LIFR: variants seen among roughly 807,000 people sequenced by gnomAD.
The protein encoded by LIFR is leukemia inhibitory factor receptor.
A neutral mutation model predicts 122.2 loss-of-function variants in LIFR; 84 were observed. The ratio of observed to expected loss-of-function variants is 0.69; its 90% CI spans 0.58 to 0.82. The LOEUF is 0.82. LIFR is among the 40% of genes least tolerant of loss of function. The probability of loss-of-function intolerance (pLI) is 0.00; values close to 1 mark genes in which losing one functional copy is unlikely to be tolerated. For synonymous variants in LIFR, 422 were observed against 434.7 expected (o/e 0.97, Z 0.36); for missense variants, 1,294 against 1,311.6 (o/e 0.99, Z 0.21).
chr5:38,530,023 G>A (rs1256968036), intron 2 of LIFR, among the ~76,000 whole-genome samples: 1 of 152,042 alleles, frequency 6.6e-6, no homozygotes, highest in Non-Finnish European at 1.5e-5. Flanking sequence ...ATATATTTAA[G>A]ATGTAACATA....
In LIFR at chr5:38,499,472, G is replaced by C. The variant is rs75461364; in HGVS notation, c.1671+41C>G. The C allele has an allele frequency of 1.0e-4, 140 of 1,337,166 alleles. 1 individual carries two copies. The African/African-American group carries it at 1.8e-3, about 18-fold the overall frequency. 82.8% of individuals were successfully genotyped at this position (1,337,166 alleles called of 1,614,324 possible). A position where few individuals can be genotyped will look rare whatever the true frequency, so the allele number is the denominator to read the frequency against. On this transcript the variant is annotated intron_variant, in intron 12 of 19. Transcript: ENST00000453190. ...TACCATGCGTAAGTTAAGCAGTTTA[G>C]CAAAGTAATGTAAATGTTCACAGAA... is the stretch of plus-strand genomic sequence containing the variant.
chr5:38,523,637 A>G lies in LIFR; in HGVS notation c.398-55T>C, dbSNP rs562705277. On this transcript the variant is annotated intron_variant, in intron 4 of 19. Coordinates refer to ENST00000453190, the MANE Select transcript of LIFR (RefSeq NM_001127671.2). ...TTAGTAAAATAAGTAATGATTTTTCATACTGTAACTCCACTAATCAACTAC... is the reference window on the plus strand; with the variant it reads ...TTAGTAAAATAAGTAATGATTTTTCGTACTGTAACTCCACTAATCAACTAC... The G allele has an allele frequency of 7.6e-6, 10 of 1,317,884 alleles. No individual in the cohort carries two copies. The South Asian group carries it at 1.1e-4, about 14-fold the overall frequency. 81.6% of individuals were successfully genotyped at this position (1,317,884 alleles called of 1,614,324 possible).
chr5:38,537,404 C>T (rs1747348686), intron 1 of LIFR, among the ~76,000 whole-genome samples: 1 of 152,192 alleles, frequency 6.6e-6, no homozygotes, highest in Non-Finnish European at 1.5e-5. Context: ...TTTAGAGTAA[C>T]ATCTGACTAC....
At chr5:38,501,431 C>T (rs748634990) in intron 11 of LIFR, among the ~76,000 whole-genome samples, 12 of 152,134 alleles carry the variant, frequency 7.9e-5, no homozygotes, top group Admixed American at 6.5e-5. Flanking sequence ...AAAGCTTTTG[C>T]TATCTTTTGT....
Position 38,492,549 on chromosome 5 carries a change from C to T in LIFR, c.2065+1057G>A, listed in dbSNP as rs114355403. On this transcript the variant is annotated intron_variant, in intron 14 of 19. Transcript: ENST00000453190. ...GCACTGTAAGGAAGGATAAAGGGAACAACTCAGGAAGATCATTACCACTTC... is the reference window on the plus strand; with the variant it reads ...GCACTGTAAGGAAGGATAAAGGGAATAACTCAGGAAGATCATTACCACTTC... Among the ~76,000 whole-genome samples, 1,040 of 152,220 alleles carry T rather than the reference C, an allele frequency of 6.8e-3. 13 individuals carry two copies. Among genetic ancestry groups the T allele is most frequent in the African/African-American group, 0.024 (1,002 of 41,520 alleles).
intron 8 of LIFR, 138 bp from the exon 9 acceptor site, chr5:38,506,212 AATGT>A (rs1166166322): frequency 1.5e-6 from 1 of 647,972 alleles, no homozygotes; most frequent in East Asian, 2.7e-5. Context: ...CAGAGAAGAA[AATGT>A]ATGTGATACA....
chr5:38,524,604 G>A (rs1024482146), intron 4 of LIFR, among the ~76,000 whole-genome samples: 5 of 152,184 alleles, frequency 3.3e-5, no homozygotes, highest in African/African-American at 9.7e-5. Flanking sequence ...AGCAGCAAGA[G>A]GAGCAAAAGG....
intron 1 of LIFR, among the ~76,000 whole-genome samples, chr5:38,545,385 C>CAT (rs974838389): frequency 6.6e-6 from 1 of 151,742 alleles, no homozygotes; most frequent in African/African-American, 2.4e-5. Context: ...TGTGTATACA[C>CAT]ATATATATAT....
At chr5:38,562,513 A>G (rs1748874783) in intron 1 of LIFR, among the ~76,000 whole-genome samples, 1 of 152,342 alleles carries the variant, frequency 6.6e-6, no homozygotes, top group South Asian at 2.1e-4. Flanking sequence ...TAATATTCTC[A>G]ATTAAGCTAA....
chr5:38,526,718 A>G (rs534798053), intron 4 of LIFR, among the ~76,000 whole-genome samples: 1 of 152,138 alleles, frequency 6.6e-6, no homozygotes, highest in African/African-American at 2.4e-5. Flanking sequence ...GATCAGGACC[A>G]TTATTATTTA....
intron 5 of LIFR, among the ~76,000 whole-genome samples, chr5:38,518,811 G>A (rs1412653190): frequency 1.3e-5 from 2 of 152,160 alleles, no homozygotes; most frequent in Non-Finnish European, 2.9e-5. Context: ...GGTTACCAGA[G>A]GAGATGACAG....
chr5:38,516,302 G>A (rs895219304), intron 5 of LIFR, among the ~76,000 whole-genome samples: 8 of 151,782 alleles, frequency 5.3e-5, no homozygotes, highest in Admixed American at 1.3e-4. Context: ...AAAAAGCCTC[G>A]TCCCTATCCA....
intron 1 of LIFR, chr5:38,608,043 G>A (rs921411727): frequency 2.0e-5 from 3 of 152,036 alleles, no homozygotes; most frequent in South Asian, 2.1e-4. Context: ...ATATATACAC[G>A]TGAGATCATA....
In LIFR at chr5:38,581,201, T is replaced by C. The variant is rs1457655616; in HGVS notation, c.-20+14060A>G. 3.9e-5 allele frequency among the ~76,000 whole-genome samples: 6 copies of C among 152,138 alleles called. No homozygotes were observed. The East Asian group carries it at 1.2e-3, about 29-fold the overall frequency. On this transcript the variant is annotated intron_variant, in intron 1 of 19. Coordinates refer to the LIFR transcript ENST00000263409. ...CCTGGTACTAGCATCATTCCCCTCC[T>C]ATTAGAATCATCTTTCTAAGAAAAA...
rs16903992 is a variant in LIFR at position 38,529,766 on chromosome 5, G to A, written c.142+740C>T. Among the ~76,000 whole-genome samples, 471 of 152,240 alleles carry A rather than the reference G, an allele frequency of 3.1e-3. 3 individuals carry two copies. The highest frequency in any genetic ancestry group is 0.011 in the African/African-American group (442 of 41,550). ...AAAAATGTTTTTGTTTTTGTACATGGTTGGTACGATATTCACTGTAGCAAT... is the reference window on the plus strand; with the variant it reads ...AAAAATGTTTTTGTTTTTGTACATGATTGGTACGATATTCACTGTAGCAAT... On this transcript the variant is annotated intron_variant, in intron 2 of 19. Transcript: ENST00000453190.
At chr5:38,564,162 G>A (rs1252422577) in intron 1 of LIFR, among the ~76,000 whole-genome samples, 1 of 151,942 alleles carries the variant, frequency 6.6e-6, no homozygotes, top group Non-Finnish European at 1.5e-5. Flanking sequence ...TGTTGTTTGA[G>A]TGCAGAATTG....
In LIFR at chr5:38,476,095, T is replaced by G. The variant is rs1743708775; in HGVS notation, c.*5500A>C. 1 of 199,020 alleles carries G rather than the reference T, an allele frequency of 5.0e-6. No homozygotes were observed. Among genetic ancestry groups the G allele is most frequent in the African/African-American group, 2.3e-5 (1 of 43,460 alleles). The allele number at this position is 199,020 out of a possible 1,614,324, so 12.3% of individuals were successfully genotyped here. On this transcript the variant is annotated 3_prime_UTR_variant, in exon 20 of 20. Transcript: ENST00000453190. ...TTCATATTTTTCCTAAATATTGTGT[T>G]GGAAGGAAAAATTAAATACAAGGAA...
At chr5:38,605,959 ACCT>A (rs1750320218) in intron 2 of LIFR, among the ~76,000 whole-genome samples, 1 of 152,170 alleles carries the variant, frequency 6.6e-6, no homozygotes, top group Non-Finnish European at 1.5e-5. Flanking sequence ...CGTCGTCAGG[ACCT>A]CCTGAGGAAG....
At chr5:38,501,469 T>C (rs1004221194) in intron 11 of LIFR, among the ~76,000 whole-genome samples, 3 of 152,178 alleles carry the variant, frequency 2.0e-5, no homozygotes, top group South Asian at 2.1e-4. Flanking sequence ...TTAAACCTAT[T>C]TCGGCCGGGC....
Sources: gnomAD v4.1 joint callset for allele counts (sites outside exome capture counted in the v4.1 genomes callset) on GRCh38, gnomAD v4.1.1 for gene constraint, MANE v1.5 for transcripts, NCBI Gene and HGNC (gene_info 2026-07-23, HGNC 2026-07-21) for gene names.